B4GALT1: variants seen among roughly 807,000 people sequenced by gnomAD.
B4GALT1 encodes the protein beta-1,4-galactosyltransferase 1, also known as N-acetyllactosamine synthase.
Under a neutral mutation model 34.9 loss-of-function variants are expected in B4GALT1, and 16 were observed. The ratio of observed to expected loss-of-function variants is 0.46; its 90% confidence interval spans 0.31 to 0.70. The LOEUF is 0.70. B4GALT1 is among the 30% of genes least tolerant of loss of function. The probability of loss-of-function intolerance (pLI) is 0.05; values close to 1 mark genes in which losing one functional copy is unlikely to be tolerated. For missense variants in B4GALT1, 445 were observed against 530.5 expected (o/e 0.84, Z 1.58); for synonymous variants, 221 against 218.1 (o/e 1.01, Z -0.12).
intron 1 of B4GALT1, among the ~76,000 whole-genome samples, chr9:33,156,502 T>G (rs1270353931): frequency 1.3e-5 from 2 of 152,212 alleles, no homozygotes; most frequent in Non-Finnish European, 2.9e-5. Flanking sequence ...TGCAATTCAG[T>G]GGGCTTCTGA....
intron 2 of B4GALT1, among the ~76,000 whole-genome samples, chr9:33,126,661 C>CCATTGTTAACATTGGTAACTATTGTT (rs1564040681): frequency 2.7e-5 from 1 of 37,114 alleles, no homozygotes; most frequent in Non-Finnish European, 7.9e-5. Flanking sequence ...TTAACCATAG[C>CCATTGTTAACATTGGTAACTATTGTT]AATATGGTAG....
At chr9:33,144,142 C>T (rs187138357) in intron 1 of B4GALT1, among the ~76,000 whole-genome samples, 83 of 152,248 alleles carry the variant, frequency 5.5e-4, no homozygotes, top group African/African-American at 2.0e-3. Context: ...TCTTGGCCTC[C>T]CAAAGTGTTG....
At chr9:33,135,572 C>T in intron 1 of B4GALT1, 148 bp from the exon 2 acceptor site, 1 of 767,230 alleles carries the variant, frequency 1.3e-6, no homozygotes, top group Non-Finnish European at 2.2e-6. Context: ...GGCCCTCCTG[C>T]CCAGCATCAG....
chr9:33,135,317 A>G lies in B4GALT1; in HGVS notation c.520T>C (p.Ser174Pro), dbSNP rs1225351159. The G allele has an allele frequency of 6.2e-7, 1 of 1,614,148 alleles. No individual in the cohort carries two copies. Among genetic ancestry groups the G allele is most frequent in the Non-Finnish European group, 8.5e-7 (1 of 1,180,024 alleles). Reference sequence around the variant, plus strand: ...ATGATGATGGCCACCTTGTGAGGAGAGACGCAGTCCCTGGGGGCATAGCGG... The same window carrying G: ...ATGATGATGGCCACCTTGTGAGGAGGGACGCAGTCCCTGGGGGCATAGCGG... ...GGRYAPRDCV[S>P]PHKVAIIIPF... The change falls in exon 2 of 6, where the codon TCT (serine) becomes CCT (proline). Residue 174 changes from serine to proline, a missense_variant. Ser to Pro is a moderately conservative substitution (Grantham distance 74). Coordinates refer to ENST00000379731, the MANE Select transcript of B4GALT1 (RefSeq NM_001497.4).
chr9:33,173,591 G>GGTGT, the B4GALT1 span, among the ~76,000 whole-genome samples: 17,694 of 143,018 alleles, frequency 0.12, 1,252 homozygotes, highest in East Asian at 0.29. Flanking sequence ...AAATAAGAAT[G>GGTGT]GTGTGTGTGT....
Position 33,135,225 on chromosome 9 carries a change from G to A in B4GALT1, c.612C>T (p.Arg204=), listed in dbSNP as rs911043696. 3.1e-6 allele frequency: 5 copies of A among 1,614,160 alleles called. No individual in the cohort carries two copies. The highest frequency in any genetic ancestry group is 4.2e-6 in the Non-Finnish European group (5 of 1,180,014). The change falls in exon 2 of 6, where the codon CGC becomes CGT. Residue 204 remains arginine, a synonymous_variant. Coordinates refer to ENST00000379731, the MANE Select transcript of B4GALT1 (RefSeq NM_001497.4). The part of the protein sequence containing the change: ...WLYYLHPVLQ[R]QQLDYGIYVI... Reference sequence around the variant, plus strand: ...CATAGATGCCATAGTCCAGCTGCTGGCGCTGCAGGACTGGGTGCAAATAAT... The same window carrying A: ...CATAGATGCCATAGTCCAGCTGCTGACGCTGCAGGACTGGGTGCAAATAAT...
intron 1 of B4GALT1, 98 bp downstream of exon 1, chr9:33,166,660 G>A (rs1840759349): frequency 7.0e-6 from 9 of 1,294,270 alleles, no homozygotes; most frequent in Non-Finnish European, 8.2e-6. Context: ...GAGGCTGGCT[G>A]TCGTAGAAGA....
At position 33,141,961 on chromosome 9, in the gene B4GALT1, G is replaced by A. The variant is rs538077546; in HGVS notation, c.413-6537C>T. 4.6e-5 allele frequency among the ~76,000 whole-genome samples: 7 copies of A among 152,216 alleles called. No individual in the cohort carries two copies. In the South Asian group the frequency reaches 1.0e-3, roughly 23 times the overall value. The stretch of plus-strand genomic sequence containing the variant: ...TCAAAATCTAACTCATGAAGGCTTC[G>A]AAGGTGTAGGAAATGATTTCTTTCT... On this transcript the variant is annotated intron_variant, in intron 1 of 5. Transcript: ENST00000379731.
At chr9:33,179,123 A>G in the B4GALT1 span, among the ~76,000 whole-genome samples, 1 of 152,364 alleles carries the variant, frequency 6.6e-6, no homozygotes, top group African/African-American at 2.4e-5. Flanking sequence ...TTGATTGGCC[A>G]ACCCAACATT....
intron 1 of B4GALT1, among the ~76,000 whole-genome samples, chr9:33,138,201 G>A (rs531510117): frequency 6.6e-6 from 1 of 152,162 alleles, no homozygotes; most frequent in African/African-American, 2.4e-5. Flanking sequence ...TCAGAAAGGT[G>A]GTCCTGAAGT....
intron 1 of B4GALT1, among the ~76,000 whole-genome samples, chr9:33,164,121 C>T (rs1015772045): frequency 2.0e-5 from 3 of 152,220 alleles, no homozygotes; most frequent in African/African-American, 7.2e-5. Flanking sequence ...CCACACCTGT[C>T]AGCTGAGAGG....
intron 1 of B4GALT1, among the ~76,000 whole-genome samples, chr9:33,146,980 C>T (rs1173515374): frequency 6.6e-6 from 1 of 152,018 alleles, no homozygotes; most frequent in Non-Finnish European, 1.5e-5. Context: ...GGATTACAGG[C>T]GAGAGCCACC....
At chr9:33,104,991 T>C (rs1016031060) in intron 2 of B4GALT1, among the ~76,000 whole-genome samples, 2 of 149,806 alleles carry the variant, frequency 1.3e-5, no homozygotes, top group Admixed American at 1.3e-4. Context: ...AGCTAATTTT[T>C]GTATTTTTAG....
intron 1 of B4GALT1, among the ~76,000 whole-genome samples, chr9:33,154,260 C>G (rs1320071570): frequency 6.6e-6 from 1 of 152,130 alleles, no homozygotes; most frequent in African/African-American, 2.4e-5. Flanking sequence ...ATCATCTCAA[C>G]AGACACAGAA....
intron 1 of B4GALT1, among the ~76,000 whole-genome samples, chr9:33,145,745 C>G (rs983829175): frequency 5.3e-5 from 8 of 152,228 alleles, no homozygotes; most frequent in Admixed American, 4.6e-4. Flanking sequence ...GATGCATCCA[C>G]ACAGTGGATA....
At chr9:33,126,667 G>GTTAAAATTGTTTACTATT (rs1358355119) in intron 2 of B4GALT1, among the ~76,000 whole-genome samples, 1 of 32,838 alleles carries the variant, frequency 3.0e-5, no homozygotes. Flanking sequence ...ATAGCAATAT[G>GTTAAAATTGTTTACTATT]GTAGCTCAGA....
Position 33,113,407 on chromosome 9 carries a change from C to T in B4GALT1, c.*47G>A. The T allele has an allele frequency of 6.2e-7, 1 of 1,613,754 alleles. No homozygotes were observed. Among genetic ancestry groups the T allele is most frequent in the Non-Finnish European group, 8.5e-7 (1 of 1,179,864 alleles). On this transcript the variant is annotated 3_prime_UTR_variant, in exon 6 of 6. Transcript: ENST00000379731. ...CCAGCAGATTGGCAGAGACACACAG[C>T]AGAGGTCCCTGGCTAATTTCAGGTC...
chr9:33,116,219 G>T, intron 3 of B4GALT1, 106 bp from the exon 4 acceptor site: 1 of 1,389,140 alleles, frequency 7.2e-7, no homozygotes, highest in Non-Finnish European at 9.8e-7. Flanking sequence ...TATTCTTTTT[G>T]CTTCTCTAGA....
intron 3 of B4GALT1, among the ~76,000 whole-genome samples, chr9:33,116,649 A>C (rs542211169): frequency 2.0e-5 from 3 of 150,840 alleles, no homozygotes; most frequent in South Asian, 4.2e-4. Flanking sequence ...CAGCCTCCCA[A>C]GTAGCTGGGA....
Sources: allele counts gnomAD v4.1 joint callset (sites outside exome capture counted in the v4.1 genomes callset), GRCh38; gene constraint gnomAD v4.1.1; transcripts MANE v1.5; gene names NCBI Gene and HGNC (gene_info 2026-07-23, HGNC 2026-07-21).